The following ME3 variants were observed in gnomAD, a reference collection of about 807,000 sequenced individuals.
The protein encoded by ME3 is NADP-dependent malic enzyme, mitochondrial.
A neutral mutation model predicts 68.9 loss-of-function variants in ME3; 48 were observed. The ratio of observed to expected loss-of-function variants is 0.70; its 90% CI spans 0.55 to 0.89. The LOEUF (loss-of-function observed/expected upper bound fraction) is 0.89, where lower values mean the gene tolerates loss of function less well. ME3 is among the 40% of genes least tolerant of loss of function. ME3 has a pLI of 0.00. For synonymous variants in ME3, 320 were observed against 318.8 expected, an observed-to-expected ratio of 1.00 and a Z score of -0.04; for missense variants, 675 against 797.4, an observed-to-expected ratio of 0.85 and a Z score of 1.85.
At chr11:86,465,043 A>T (rs1204091906) in intron 8 of ME3, 48 bp downstream of exon 8, 1 of 1,459,780 alleles carries the variant, frequency 6.9e-7, no homozygotes, top group Admixed American at 1.7e-5. Flanking sequence ...TGAGGTTGAG[A>T]ATATAAGTTA....
chr11:86,452,889 G>C (rs1949709381), intron 8 of ME3, among the ~76,000 whole-genome samples: 1 of 152,218 alleles, frequency 6.6e-6, no homozygotes, highest in South Asian at 2.1e-4. Context: ...TAAAATGTCT[G>C]TTGGGACATT....
chr11:86,472,150 G>A (rs1204431045), intron 7 of ME3, among the ~76,000 whole-genome samples: 1 of 152,164 alleles, frequency 6.6e-6, no homozygotes, highest in Non-Finnish European at 1.5e-5. Context: ...GCATATGCAT[G>A]AGGACTGAGT....
At chr11:86,554,207 A>G in intron 4 of ME3, among the ~76,000 whole-genome samples, 1 of 152,176 alleles carries the variant, frequency 6.6e-6, no homozygotes, top group East Asian at 1.9e-4. Flanking sequence ...TGAAGCCACT[A>G]CAATCTAGTT....
intron 4 of ME3, among the ~76,000 whole-genome samples, chr11:86,533,981 T>C (rs1382050947): frequency 1.3e-5 from 2 of 152,036 alleles, no homozygotes; most frequent in African/African-American, 2.4e-5. Flanking sequence ...GTTACTGTAC[T>C]GACTACTGTA....
intron 2 of ME3, among the ~76,000 whole-genome samples, chr11:86,629,376 A>T (rs1565237885): frequency 6.6e-6 from 1 of 151,566 alleles, no homozygotes; most frequent in African/African-American, 2.4e-5. Context: ...AACTTAAAAA[A>T]CCCGTTCTTA....
At chr11:86,507,607 A>G (rs1010123086) in intron 5 of ME3, among the ~76,000 whole-genome samples, 3 of 152,228 alleles carry the variant, frequency 2.0e-5, no homozygotes, top group Non-Finnish European at 2.9e-5. Context: ...AAACTCCTCC[A>G]TAGACATCTC....
At chr11:86,657,456 T>A (rs1432790198) in intron 2 of ME3, among the ~76,000 whole-genome samples, 1 of 35,578 alleles carries the variant, frequency 2.8e-5, no homozygotes, top group Non-Finnish European at 5.0e-5. Flanking sequence ...CATCATACAT[T>A]GGGGCCTGTA....
At chr11:86,441,499 C>A in intron 14 of ME3, 59 bp from the exon 15 acceptor site, 1 of 1,485,018 alleles carries the variant, frequency 6.7e-7, no homozygotes, top group South Asian at 1.4e-5. Flanking sequence ...GCTTAAGGAT[C>A]CTTGCTTGGG....
At chr11:86,482,280 T>C (rs1951458768) in intron 7 of ME3, among the ~76,000 whole-genome samples, 1 of 152,172 alleles carries the variant, frequency 6.6e-6, no homozygotes. Flanking sequence ...ACATACGAAA[T>C]GTTTTTGACT....
At chr11:86,540,054 A>G (rs1394437949) in intron 4 of ME3, among the ~76,000 whole-genome samples, 1 of 152,174 alleles carries the variant, frequency 6.6e-6, no homozygotes, top group Non-Finnish European at 1.5e-5. Flanking sequence ...ATGCACCTGA[A>G]TGTCTTTTCT....
intron 2 of ME3, among the ~76,000 whole-genome samples, chr11:86,664,783 A>C (rs747434212): frequency 6.6e-6 from 1 of 152,170 alleles, no homozygotes; most frequent in Non-Finnish European, 1.5e-5. Flanking sequence ...CGTGGGCTCA[A>C]GAATTGTCCT....
chr11:86,455,980 T>C (rs1565801813), intron 8 of ME3, among the ~76,000 whole-genome samples: 1 of 152,206 alleles, frequency 6.6e-6, no homozygotes, highest in Non-Finnish European at 1.5e-5. Context: ...TTCTCCAAAG[T>C]CCACTTATTA....
At chr11:86,599,715 C>T (rs1009182054) in intron 2 of ME3, among the ~76,000 whole-genome samples, 1 of 152,184 alleles carries the variant, frequency 6.6e-6, no homozygotes, top group African/African-American at 2.4e-5. Flanking sequence ...GGCCAGGTTA[C>T]CCACAAAGGG....
At chr11:86,627,056 G>C (rs535894367) in intron 2 of ME3, among the ~76,000 whole-genome samples, 1 of 152,302 alleles carries the variant, frequency 6.6e-6, no homozygotes, top group South Asian at 2.1e-4. Flanking sequence ...GTGTATAAAT[G>C]CCCTGCAGTA....
intron 4 of ME3, among the ~76,000 whole-genome samples, chr11:86,512,925 A>C (rs1395175282): frequency 1.3e-5 from 2 of 152,248 alleles, no homozygotes; most frequent in African/African-American, 4.8e-5. Context: ...AAAACAGGGC[A>C]CAAGTTTTTC....
At chr11:86,629,510 T>A (rs1943881434) in intron 2 of ME3, among the ~76,000 whole-genome samples, 1 of 152,226 alleles carries the variant, frequency 6.6e-6, no homozygotes, top group African/African-American at 2.4e-5. Flanking sequence ...AGTATACTTA[T>A]ACTGGTTACA....
intron 2 of ME3, among the ~76,000 whole-genome samples, chr11:86,649,783 C>A (rs1047999163): frequency 8.5e-5 from 13 of 152,128 alleles, no homozygotes; most frequent in African/African-American, 3.1e-4. Flanking sequence ...AGGAGAACTA[C>A]AAACCACCGC....
intron 5 of ME3, among the ~76,000 whole-genome samples, chr11:86,504,690 A>T (rs948836292): frequency 3.3e-5 from 5 of 151,136 alleles, no homozygotes; most frequent in Non-Finnish European, 5.9e-5. Flanking sequence ...CACTGTGCCC[A>T]GCCCTTTTTT....
At chr11:86,591,038 T>C (rs1162762710) in intron 2 of ME3, among the ~76,000 whole-genome samples, 1 of 152,192 alleles carries the variant, frequency 6.6e-6, no homozygotes, top group Non-Finnish European at 1.5e-5. Flanking sequence ...GCAGAAGACA[T>C]GCAAGCCTGG....
Sources: allele counts gnomAD v4.1 joint callset (sites outside exome capture counted in the v4.1 genomes callset), GRCh38; gene constraint gnomAD v4.1.1; transcripts MANE v1.5; gene names NCBI Gene and HGNC (gene_info 2026-07-23, HGNC 2026-07-21).